Variants in LINGO2 observed in about 807,000 individuals in gnomAD.
The protein encoded by LINGO2 is leucine rich repeat and Ig domain containing 2.
LINGO2 carries 14 observed loss-of-function variants against 30.6 expected under a neutral mutation model. That is an observed-to-expected ratio of 0.46 (90% CI 0.30 to 0.72). LINGO2 has a LOEUF of 0.72. LINGO2 is among the 30% of genes least tolerant of loss of function. The probability of loss-of-function intolerance (pLI) is 0.07; values close to 1 mark genes in which losing one functional copy is unlikely to be tolerated. For missense variants in LINGO2, 729 were observed against 751.7 expected, an observed-to-expected ratio of 0.97 and a Z score of 0.35; for synonymous variants, 317 against 288.5, an observed-to-expected ratio of 1.10 and a Z score of -1.00.
At chr9:28,599,888 G>T (rs1237123430) in intron 1 of LINGO2, among the ~76,000 whole-genome samples, 1 of 152,108 alleles carries the variant, frequency 6.6e-6, no homozygotes, top group Non-Finnish European at 1.5e-5. Flanking sequence ...GGAAACAAGA[G>T]AAACCATGTG....
intron 3 of LINGO2, among the ~76,000 whole-genome samples, chr9:28,335,041 A>C (rs1335503335): frequency 6.6e-6 from 1 of 152,182 alleles, no homozygotes; most frequent in African/African-American, 2.4e-5. Flanking sequence ...TTGCCTATCC[A>C]TATTGGTGGA....
At chr9:28,662,427 T>A (rs1828619186) in intron 1 of LINGO2, among the ~76,000 whole-genome samples, 1 of 152,158 alleles carries the variant, frequency 6.6e-6, no homozygotes, top group Non-Finnish European at 1.5e-5. Context: ...TACCCACCTT[T>A]ACAGTCCCAC....
At chr9:28,698,723 C>A in the LINGO2 span, among the ~76,000 whole-genome samples, 41 of 152,026 alleles carry the variant, frequency 2.7e-4, no homozygotes, top group African/African-American at 9.9e-4. Flanking sequence ...GTCCCCCACA[C>A]ACAATCTTCT....
the LINGO2 span, among the ~76,000 whole-genome samples, chr9:29,056,121 G>A: frequency 2.0e-5 from 3 of 151,852 alleles, no homozygotes; most frequent in Non-Finnish European, 2.9e-5. Context: ...TTTCCTCTGG[G>A]TAGATACTCA....
intron 2 of LINGO2, among the ~76,000 whole-genome samples, chr9:28,373,593 T>C (rs1820988734): frequency 6.6e-6 from 1 of 152,228 alleles, no homozygotes; most frequent in African/African-American, 2.4e-5. Context: ...TAAAACATCA[T>C]GTTGGGATTT....
In LINGO2 at chr9:28,432,533, C is replaced by G. The variant is rs1279844857; in HGVS notation, c.-279+43407G>C. 2.6e-5 allele frequency among the ~76,000 whole-genome samples: 4 copies of G among 152,064 alleles called. No homozygotes were observed. In the East Asian group the frequency reaches 7.7e-4, roughly 29 times the overall value. On this transcript the variant is annotated intron_variant, in intron 2 of 5. Coordinates refer to ENST00000379992, the Ensembl canonical transcript of LINGO2. ...CTCAGAGTGGCAACTATAAGAGTTT[C>G]CACTTCCTATTAACTGTGATTGATT...
chr9:28,047,053 A>T (rs1824454867), intron 4 of LINGO2, among the ~76,000 whole-genome samples: 1 of 152,132 alleles, frequency 6.6e-6, no homozygotes, highest in Non-Finnish European at 1.5e-5. Context: ...AGCAGATTGT[A>T]GGGAACCCAA....
intron 2 of LINGO2, among the ~76,000 whole-genome samples, chr9:28,387,575 A>T (rs1472177877): frequency 1.3e-5 from 2 of 152,196 alleles, no homozygotes; most frequent in African/African-American, 4.8e-5. Context: ...CACAGTCTTT[A>T]TGAGCTGTAA....
In LINGO2 at chr9:28,250,427, A is replaced by G. The variant is rs72709332; in HGVS notation, c.-87+44781T>C. ...TTTCTTTTTGCCTCAGATATCCCAGACTTGGAGCTTAAGAAGCAGGCAATA... is the reference window on the plus strand; with the variant it reads ...TTTCTTTTTGCCTCAGATATCCCAGGCTTGGAGCTTAAGAAGCAGGCAATA... On this transcript the variant is annotated intron_variant, in intron 4 of 5. Transcript: ENST00000379992. 7.7e-3 allele frequency among the ~76,000 whole-genome samples: 1,165 copies of G among 152,274 alleles called. 7 individuals are homozygous for G. Among genetic ancestry groups the G allele is most frequent in the Middle Eastern group, 0.031 (9 of 294 alleles).
chr9:28,120,616 C>T (rs1443116593), intron 4 of LINGO2, among the ~76,000 whole-genome samples: 2 of 152,162 alleles, frequency 1.3e-5, no homozygotes, highest in Non-Finnish European at 2.9e-5. Context: ...AATGAACTAC[C>T]AAATATCAGT....
At chr9:28,582,674 C>T (rs374426262) in intron 1 of LINGO2, among the ~76,000 whole-genome samples, 1 of 152,056 alleles carries the variant, frequency 6.6e-6, no homozygotes, top group South Asian at 2.1e-4. Flanking sequence ...AATTCTTGAA[C>T]AGCAGACTTC....
chr9:28,280,292 G>T (rs930736294), intron 4 of LINGO2, among the ~76,000 whole-genome samples: 1 of 152,042 alleles, frequency 6.6e-6, no homozygotes. Context: ...AGTCCACAAG[G>T]AGCTCTCAGT....
chr9:28,766,977 T>C, the LINGO2 span, among the ~76,000 whole-genome samples: 1 of 152,092 alleles, frequency 6.6e-6, no homozygotes, highest in Non-Finnish European at 1.5e-5. Context: ...TAGAAACACA[T>C]ACAGAATGTG....
the LINGO2 span, among the ~76,000 whole-genome samples, chr9:28,730,016 G>A: frequency 3.3e-5 from 5 of 152,024 alleles, no homozygotes; most frequent in African/African-American, 9.7e-5. Flanking sequence ...AACAGTAGAT[G>A]TAGAGATACA....
chr9:28,872,185 T>TA, the LINGO2 span, among the ~76,000 whole-genome samples: 1 of 152,062 alleles, frequency 6.6e-6, no homozygotes, highest in African/African-American at 2.4e-5. Context: ...ATGGGCATGA[T>TA]AAAATATCTA....
intron 4 of LINGO2, among the ~76,000 whole-genome samples, chr9:28,286,683 AT>A (rs1330007805): frequency 2.6e-5 from 4 of 152,328 alleles, no homozygotes; most frequent in African/African-American, 9.6e-5. Flanking sequence ...GCTGGAGTCC[AT>A]TATCCTTAGC....
At chr9:28,377,500 A>C (rs1238133227) in intron 2 of LINGO2, among the ~76,000 whole-genome samples, 1 of 152,098 alleles carries the variant, frequency 6.6e-6, no homozygotes, top group Non-Finnish European at 1.5e-5. Flanking sequence ...ATTCGTAGTT[A>C]AGTTCTGGGG....
the LINGO2 span, among the ~76,000 whole-genome samples, chr9:29,005,094 A>C: frequency 6.6e-6 from 1 of 152,046 alleles, no homozygotes; most frequent in Non-Finnish European, 1.5e-5. Flanking sequence ...TCATAGAGTT[A>C]TCATGATGGT....
chr9:28,298,697 A>AAT, intron 3 of LINGO2, among the ~76,000 whole-genome samples: 1 of 152,068 alleles, frequency 6.6e-6, no homozygotes, highest in African/African-American at 2.4e-5. Context: ...AAAAAAAAAA[A>AAT]AATCAGAATG....
Sources: allele counts gnomAD v4.1 joint callset (sites outside exome capture counted in the v4.1 genomes callset), GRCh38; gene constraint gnomAD v4.1.1; transcripts MANE v1.5; gene names NCBI Gene and HGNC (gene_info 2026-07-23, HGNC 2026-07-21).